The following ATP2A2 variants were observed in gnomAD, a reference collection of about 807,000 sequenced individuals.
The protein encoded by ATP2A2 is sarcoplasmic/endoplasmic reticulum calcium ATPase 2.
In ATP2A2, 14 loss-of-function variants were observed where a neutral mutation model predicts 109.3. That is an observed-to-expected ratio of 0.13 (90% CI 0.08 to 0.20). The LOEUF (loss-of-function observed/expected upper bound fraction) is 0.20, where lower values mean the gene tolerates loss of function less well. Ranked by LOEUF, ATP2A2 falls within the 10% of genes least tolerant of loss-of-function variation. The pLI is 1.00. For synonymous variants in ATP2A2, 506 were observed against 490.9 expected (o/e 1.03, Z -0.41); for missense variants, 657 against 1,321.6 (o/e 0.50, Z 7.80).
chr12:110,316,632 T>C (rs1479937317), intron 5 of ATP2A2, among the ~76,000 whole-genome samples: 1 of 152,222 alleles, frequency 6.6e-6, no homozygotes, highest in Non-Finnish European at 1.5e-5. Context: ...TCTGAGTGAC[T>C]CTGCCTTTAT....
At chr12:110,332,357 G>A in intron 8 of ATP2A2, 1 of 519,016 alleles carries the variant, frequency 1.9e-6, no homozygotes, top group Admixed American at 3.1e-5. Context: ...CAGTGATGCT[G>A]TTTTTCATAC....
intron 5 of ATP2A2, among the ~76,000 whole-genome samples, chr12:110,319,442 C>A (rs1287015207): frequency 3.3e-5 from 5 of 151,490 alleles, no homozygotes; most frequent in African/African-American, 1.2e-4. Context: ...ATTTGTTCCT[C>A]TAGCATTTGA....
intron 5 of ATP2A2, among the ~76,000 whole-genome samples, chr12:110,300,142 C>T (rs1012367152): frequency 6.9e-6 from 1 of 144,054 alleles, no homozygotes; most frequent in Non-Finnish European, 1.5e-5. Flanking sequence ...CCCTCCCCTC[C>T]CCTCCTTCTG....
intron 4 of ATP2A2, among the ~76,000 whole-genome samples, chr12:110,293,858 G>GTGTGTATA (rs1873641620): frequency 8.1e-6 from 1 of 123,448 alleles, no homozygotes; most frequent in African/African-American, 3.4e-5. Context: ...GTGTGTGTGT[G>GTGTGTATA]TGTGTGTATA....
Position 110,342,208 on chromosome 12 carries a change from A to G in ATP2A2, c.2098-20A>G, listed in dbSNP as rs771869204. On this transcript the variant is annotated intron_variant, in intron 14 of 19. Transcript: ENST00000539276. The surrounding 1 kb of genome is among the most constrained non-coding windows in gnomAD (Gnocchi z 4.6). ...TGTGGCATGCCAGTTGGCTGACCCA[A>G]CCATTGCTTTCCCTTTCAGACTGGC... The G allele has an allele frequency of 5.0e-6, 8 of 1,614,062 alleles. No individual in the cohort carries two copies. Among genetic ancestry groups the G allele is most frequent in the Middle Eastern group, 1.6e-4 (1 of 6,084 alleles).
intron 3 of ATP2A2, among the ~76,000 whole-genome samples, chr12:110,283,549 AC>A (rs1872365902): frequency 6.6e-6 from 1 of 151,920 alleles, no homozygotes; most frequent in Non-Finnish European, 1.5e-5. Context: ...TAGGTTTTTA[AC>A]TTTTTTTTAA....
chr12:110,290,496 T>A (rs1873146807), intron 3 of ATP2A2, among the ~76,000 whole-genome samples: 1 of 152,258 alleles, frequency 6.6e-6, no homozygotes. Context: ...TGAAGTTTTA[T>A]TTTTTCTAAA....
At chr12:110,336,249 G>A (rs773116236) in intron 11 of ATP2A2, among the ~76,000 whole-genome samples, 1 of 152,208 alleles carries the variant, frequency 6.6e-6, no homozygotes, top group African/African-American at 2.4e-5. Flanking sequence ...GCGATGGGAA[G>A]GGGAGAGGTT....
At chr12:110,301,136 G>A (rs1874590156) in intron 5 of ATP2A2, among the ~76,000 whole-genome samples, 1 of 152,094 alleles carries the variant, frequency 6.6e-6, no homozygotes, top group African/African-American at 2.4e-5. Context: ...CAAAGTTCTG[G>A]GATTTACAGG....
chr12:110,338,149 A>G (rs1246004356), intron 11 of ATP2A2, among the ~76,000 whole-genome samples: 2 of 152,168 alleles, frequency 1.3e-5, no homozygotes, highest in Admixed American at 6.5e-5. Context: ...TGAAGGCTCC[A>G]TAGTCCTCAG....
chr12:110,319,645 C>T (rs1175142460), intron 5 of ATP2A2, among the ~76,000 whole-genome samples: 2 of 148,446 alleles, frequency 1.3e-5, no homozygotes. Flanking sequence ...TATATTAATA[C>T]TATATATAAT....
At chr12:110,294,192 C>T (rs1411632905) in intron 4 of ATP2A2, among the ~76,000 whole-genome samples, 1 of 151,822 alleles carries the variant, frequency 6.6e-6, no homozygotes, top group African/African-American at 2.4e-5. Flanking sequence ...TACAGGTGCC[C>T]ACCACCACGC....
rs61942561 is a variant in ATP2A2 at position 110,309,133 on chromosome 12, G to A, written c.463+12396G>A. On this transcript the variant is annotated intron_variant, in intron 5 of 19. Transcript: ENST00000539276. Reference sequence around the variant, plus strand: ...GGGAGATATGGAGAGAGAGTTTAAGGAAACTAATTTTTTTTTTTTTTTTTT... The same window carrying A: ...GGGAGATATGGAGAGAGAGTTTAAGAAAACTAATTTTTTTTTTTTTTTTTT... Among the ~76,000 whole-genome samples, 20 of 125,758 alleles carry A rather than the reference G, an allele frequency of 1.6e-4. No individual in the cohort carries two copies. In the Admixed American group the frequency reaches 1.7e-3, roughly 10 times the overall value. The allele number at this position is 125,758 out of a possible 152,430, so 82.5% of individuals were successfully genotyped here.
intron 5 of ATP2A2, among the ~76,000 whole-genome samples, chr12:110,315,977 C>G (rs1876627060): frequency 6.6e-6 from 1 of 152,060 alleles, no homozygotes; most frequent in Non-Finnish European, 1.5e-5. Context: ...ATCCCAGCTA[C>G]TCGGGAGGCT....
At chr12:110,286,153 A>T (rs1382551523) in intron 3 of ATP2A2, among the ~76,000 whole-genome samples, 1 of 151,932 alleles carries the variant, frequency 6.6e-6, no homozygotes, top group Non-Finnish European at 1.5e-5. Flanking sequence ...CGAACTCCTG[A>T]CCTCAGGTTA....
chr12:110,313,090 C>T (rs1245860109), intron 5 of ATP2A2, among the ~76,000 whole-genome samples: 2 of 152,016 alleles, frequency 1.3e-5, no homozygotes, highest in Non-Finnish European at 2.9e-5. Flanking sequence ...TGAGAGTTCT[C>T]CTCAACCATC....
intron 5 of ATP2A2, among the ~76,000 whole-genome samples, chr12:110,313,937 C>T (rs971345335): frequency 6.6e-6 from 1 of 151,334 alleles, no homozygotes; most frequent in Non-Finnish European, 1.5e-5. Context: ...TGGTCTTGAA[C>T]TCCTGACCTC....
intron 5 of ATP2A2, among the ~76,000 whole-genome samples, chr12:110,303,557 C>T (rs756445045): frequency 6.6e-5 from 10 of 152,032 alleles, no homozygotes; most frequent in Non-Finnish European, 1.5e-4. Context: ...ATTATAGGCA[C>T]GTACCACCAC....
Position 110,327,767 on chromosome 12 carries a change from C to T in ATP2A2, c.845C>T (p.Pro282Leu). 6.2e-7 allele frequency: 1 copy of T among 1,614,100 alleles called. No homozygotes were observed. Among genetic ancestry groups the T allele is most frequent in the East Asian group, 2.2e-5 (1 of 44,886 alleles). Residue 282 changes from proline to leucine, a missense_variant, in exon 8 of 20, where the codon CCG becomes CTG. This residue lies in a region of ATP2A2 where 136 missense variants were observed against 343.9 expected (regional missense o/e 0.40). Coordinates refer to ENST00000539276, the MANE Select transcript of ATP2A2 (RefSeq NM_170665.4). The surrounding 1 kb of genome is among the most constrained non-coding windows in gnomAD (Gnocchi z 4.4). ...WIINIGHFNDPVHGGSWIRGA... is the reference protein window; with the variant it reads ...WIINIGHFNDLVHGGSWIRGA... ...ATAAATATTGGGCACTTCAATGACC[C>T]GGTTCATGGAGGGTCCTGGATCAGA...
Sources: gnomAD v4.1 joint callset for allele counts (sites outside exome capture counted in the v4.1 genomes callset) on GRCh38, gnomAD v4.1.1 for gene constraint, gnomAD v4.1.1 regional missense constraint, Gnocchi (gnomAD v3.1) non-coding constraint, MANE v1.5 for transcripts, NCBI Gene and HGNC (gene_info 2026-07-23, HGNC 2026-07-21) for gene names.